GARS1: variants seen among roughly 807,000 people sequenced by gnomAD.
GARS1 encodes the protein glycyl-tRNA synthetase 1, also known as glycine--tRNA ligase.
In GARS1, 46 loss-of-function variants were observed where a neutral mutation model predicts 86.4. The ratio of observed to expected loss-of-function variants is 0.53; its 90% confidence interval spans 0.42 to 0.68. GARS1 has a LOEUF of 0.68. GARS1 is among the 30% of genes least tolerant of loss of function. GARS1 has a pLI of 0.00. For missense variants in GARS1, 797 were observed against 915.6 expected (o/e 0.87, Z 1.67); for synonymous variants, 342 against 329.8 (o/e 1.04, Z -0.40).
At chr7:30,610,031 G>T (rs183925224) in intron 7 of GARS1, among the ~76,000 whole-genome samples, 1 of 152,290 alleles carries the variant, frequency 6.6e-6, no homozygotes, top group African/African-American at 2.4e-5. Context: ...TTTAAAAGCC[G>T]TTGAACTTAT....
At chr7:30,607,455 C>T (rs1649254814) in intron 6 of GARS1, among the ~76,000 whole-genome samples, 1 of 151,558 alleles carries the variant, frequency 6.6e-6, no homozygotes, top group African/African-American at 2.4e-5. Context: ...GGACAGAAAA[C>T]CAAACACTGC....
At chr7:30,598,377 CTTTTT>C (rs1174085518) in intron 1 of GARS1, among the ~76,000 whole-genome samples, 2 of 99,612 alleles carry the variant, frequency 2.0e-5, no homozygotes, top group Non-Finnish European at 4.0e-5. Flanking sequence ...TTGCATCATT[CTTTTT>C]TTTTTTTTTT....
intron 5 of GARS1, 117 bp downstream of exon 5, chr7:30,603,239 C>G: frequency 1.2e-6 from 1 of 866,652 alleles, no homozygotes; most frequent in Non-Finnish European, 1.9e-6. Context: ...GCAAAGTGCA[C>G]AGATCTTAAG....
At position 30,626,229 on chromosome 7, in the gene GARS1, C is replaced by T. The variant is rs777599171; in HGVS notation, c.1614-5C>T. On this transcript the variant is annotated splice_polypyrimidine_tract_variant and splice_region_variant and intron_variant, in intron 12 of 16. Coordinates refer to ENST00000389266, the MANE Select transcript of GARS1 (RefSeq NM_002047.4). ...TAATACAAAATGTGTTTTGTTTCTT[C>T]GTAGGGAATTCACAATTGAAACTGA... The T allele has an allele frequency of 6.3e-6, 10 of 1,587,760 alleles. No individual in the cohort carries two copies. Among genetic ancestry groups the T allele is most frequent in the South Asian group, 3.3e-5 (3 of 90,322 alleles).
intron 8 of GARS1, 81 bp from the exon 9 acceptor site, chr7:30,615,815 T>C (rs1303965317): frequency 2.0e-6 from 3 of 1,482,000 alleles, no homozygotes; most frequent in African/African-American, 2.8e-5. Context: ...AGAATGCAGT[T>C]GAAAATAGAG....
At position 30,600,060 on chromosome 7, in the gene GARS1, A is replaced by G. The variant is rs1791342103; in HGVS notation, c.427+11A>G. 3.2e-6 allele frequency: 5 copies of G among 1,571,000 alleles called. No individual in the cohort carries two copies. In the East Asian group the frequency reaches 1.1e-4, roughly 35 times the overall value. ...TTGCTATTTATGGAGGTAAGGGATT[A>G]ATGACAAAAAGAACTATTGTGTTGT... On this transcript the variant is annotated intron_variant, in intron 3 of 16. Coordinates refer to ENST00000389266, the MANE Select transcript of GARS1 (RefSeq NM_002047.4).
intron 1 of GARS1, among the ~76,000 whole-genome samples, chr7:30,595,626 G>A (rs1010444453): frequency 1.3e-5 from 2 of 152,184 alleles, no homozygotes; most frequent in African/African-American, 4.8e-5. Context: ...TTCGTCTTAC[G>A]GCCAGGCCCT....
At chr7:30,625,680 G>T (rs567980247) in intron 12 of GARS1, among the ~76,000 whole-genome samples, 4 of 152,316 alleles carry the variant, frequency 2.6e-5, no homozygotes, top group South Asian at 4.1e-4. Flanking sequence ...CAGTGATTTT[G>T]AGGGGGATAA....
chr7:30,609,430 G>A (rs1791549198), intron 6 of GARS1, among the ~76,000 whole-genome samples, 155 bp from the exon 7 acceptor site: 1 of 152,102 alleles, frequency 6.6e-6, no homozygotes, highest in Admixed American at 6.5e-5. Context: ...AATTGGTTAT[G>A]GTTTTAATGT....
chr7:30,616,978 G>A, intron 9 of GARS1, 136 bp from the exon 10 acceptor site: 1 of 827,990 alleles, frequency 1.2e-6, no homozygotes, highest in Admixed American at 1.9e-5. Context: ...TGTTTTGAAA[G>A]CAAGATAAAA....
chr7:30,616,084 T>A (rs1191115384), intron 9 of GARS1, 26 bp downstream of exon 9: 1 of 1,613,574 alleles, frequency 6.2e-7, no homozygotes, highest in Non-Finnish European at 8.5e-7. Flanking sequence ...TAACTTAACT[T>A]AGATTGTGCC....
chr7:30,622,782 C>G (rs142028521), intron 12 of GARS1: 3 of 359,918 alleles, frequency 8.3e-6, no homozygotes, highest in Admixed American at 8.0e-5. Flanking sequence ...AGAATACTCT[C>G]TGTAATTGTT....
upstream of GARS1, chr7:30,594,866 G>T (rs910505084): frequency 1.4e-6 from 2 of 1,431,474 alleles, no homozygotes; most frequent in Non-Finnish European, 1.9e-6. Context: ...TCCGAGCCGG[G>T]CGGCGCGCGC....
chr7:30,622,210 T>C (rs1367961277), intron 11 of GARS1, 107 bp from the exon 12 acceptor site: 1 of 1,332,318 alleles, frequency 7.5e-7, no homozygotes, highest in South Asian at 1.2e-5. Context: ...TCTGGAGTAC[T>C]GATAGAGAGC....
intron 1 of GARS1, among the ~76,000 whole-genome samples, chr7:30,598,474 C>T (rs1461095722): frequency 1.3e-5 from 2 of 151,074 alleles, no homozygotes; most frequent in Non-Finnish European, 2.9e-5. Context: ...GTGCAACCTC[C>T]GCCTTCCGGG....
At chr7:30,598,706 G>A (rs771949352) in intron 1 of GARS1, 90 bp from the exon 2 acceptor site, 101 of 1,094,418 alleles carry the variant, frequency 9.2e-5, no homozygotes, top group Non-Finnish European at 1.3e-4. Context: ...TTCTTACATA[G>A]ACTTTTTAAA....
intron 9 of GARS1, 112 bp from the exon 10 acceptor site, chr7:30,617,002 G>C: frequency 1.0e-6 from 1 of 985,468 alleles, no homozygotes; most frequent in South Asian, 1.3e-5. Flanking sequence ...TTTGTGTTGG[G>C]TGTCAAATAT....
At chr7:30,600,320 T>G (rs1791346922) in intron 3 of GARS1, among the ~76,000 whole-genome samples, 3 of 152,000 alleles carry the variant, frequency 2.0e-5, no homozygotes, top group African/African-American at 7.3e-5. Context: ...TGTGTACTCA[T>G]GTACTCTTTT....
intron 6 of GARS1, among the ~76,000 whole-genome samples, chr7:30,608,020 C>T (rs1362961968): frequency 2.0e-5 from 3 of 152,116 alleles, no homozygotes; most frequent in Non-Finnish European, 1.5e-5. Flanking sequence ...TAGAGATTGC[C>T]TCCTTCCATT....
Sources: allele counts gnomAD v4.1 joint callset (sites outside exome capture counted in the v4.1 genomes callset), GRCh38; gene constraint gnomAD v4.1.1; transcripts MANE v1.5; gene names NCBI Gene and HGNC (gene_info 2026-07-23, HGNC 2026-07-21).